TRPM6: variants seen among roughly 807,000 people sequenced by gnomAD.
TRPM6 encodes the protein channel kinase 2.
In TRPM6, 111 loss-of-function variants were observed where a neutral mutation model predicts 247.6. The observed-to-expected ratio is 0.45, with a 90% CI of 0.38 to 0.52. The LOEUF (loss-of-function observed/expected upper bound fraction) is 0.52. Among genes scored for constraint, TRPM6 ranks in the 20% least tolerant of loss-of-function variants. TRPM6 has a pLI of 0.00. For synonymous variants in TRPM6, 892 were observed against 853.8 expected (o/e 1.04, Z -0.78); for missense variants, 2,126 against 2,421.5 (o/e 0.88, Z 2.56).
chr9:74,806,288 T>TATTA (rs1408518854), intron 14 of TRPM6, among the ~76,000 whole-genome samples: 1 of 150,230 alleles, frequency 6.7e-6, no homozygotes, highest in East Asian at 1.9e-4. Flanking sequence ...TGTATTTATT[T>TATTA]ATTTATTTAT....
intron 14 of TRPM6, chr9:74,804,354 G>A: frequency 2.2e-6 from 1 of 452,656 alleles, no homozygotes; most frequent in South Asian, 2.5e-5. Flanking sequence ...TGGAACTCCA[G>A]TGGCCAGGCC....
At chr9:74,724,784 C>A (rs759144264) in intron 38 of TRPM6, 38 bp from the exon 39 acceptor site, 1 of 1,613,426 alleles carries the variant, frequency 6.2e-7, no homozygotes, top group Admixed American at 1.7e-5. Context: ...TAGTGGAACC[C>A]CAAGAACCTA....
intron 30 of TRPM6, among the ~76,000 whole-genome samples, chr9:74,748,346 C>G (rs1181321133): frequency 6.6e-6 from 1 of 152,150 alleles, no homozygotes; most frequent in Non-Finnish European, 1.5e-5. Flanking sequence ...CTTTTTCATT[C>G]TTTTAGCATG....
In TRPM6 at chr9:74,796,845, T is replaced by C; in HGVS notation, c.2287A>G (p.Lys763Glu). 1 of 1,613,986 alleles carries C rather than the reference T, an allele frequency of 6.2e-7. No individual in the cohort carries two copies. Among genetic ancestry groups the C allele is most frequent in the African/African-American group, 1.3e-5 (1 of 75,040 alleles). The part of the protein sequence containing the change: ...LPPTILTLEF[K>E]SKAEMSHVPQ... The stretch of plus-strand genomic sequence containing the variant: ...ACATGTGACATCTCAGCTTTGCTTT[T>C]AAATTCCAGTGTCAAAATGGTGGGT... The change falls in exon 18 of 39, where the codon AAA becomes GAA. Residue 763 changes from lysine (K) to glutamate (E), a missense_variant. Transcript: ENST00000360774.
chr9:74,828,064 C>T, intron 6 of TRPM6, 115 bp from the exon 7 acceptor site: 1 of 1,145,966 alleles, frequency 8.7e-7, no homozygotes, highest in Non-Finnish European at 1.2e-6. Flanking sequence ...TTAAAAAGTA[C>T]TACTTGCGGC....
intron 3 of TRPM6, among the ~76,000 whole-genome samples, chr9:74,843,424 T>C (rs1830007119): frequency 1.3e-5 from 2 of 152,158 alleles, no homozygotes; most frequent in Non-Finnish European, 2.9e-5. Context: ...GTGAATCCTT[T>C]CCAGAAAGTT....
chr9:74,796,994 C>A, intron 17 of TRPM6, 101 bp from the exon 18 acceptor site: 2 of 1,053,094 alleles, frequency 1.9e-6, no homozygotes, highest in East Asian at 5.1e-5. Flanking sequence ...AAATGCCAGA[C>A]CCATCCCAGT....
chr9:74,782,385 C>A lies in TRPM6; in HGVS notation c.3186G>T (p.Val1062=). 1 of 1,613,348 alleles carries A rather than the reference C, an allele frequency of 6.2e-7. No individual in the cohort carries two copies. Among genetic ancestry groups the A allele is most frequent in the Non-Finnish European group, 8.5e-7 (1 of 1,179,414 alleles). The change falls in exon 23 of 39, where the codon GTG becomes GTT. Residue 1062 remains valine, a synonymous_variant. Coordinates refer to ENST00000360774, the MANE Select transcript of TRPM6 (RefSeq NM_017662.5). ...ACTTGAAGAAAGCAATCAACAGGTT[C>A]ACCATGATGATATATTGCACGAAGA... is the stretch of plus-strand genomic sequence containing the variant. ...VYLFVQYIIM[V]NLLIAFFNNV...
chr9:74,778,959 A>G (rs1303162992), intron 23 of TRPM6, among the ~76,000 whole-genome samples: 2 of 152,032 alleles, frequency 1.3e-5, no homozygotes, highest in African/African-American at 2.4e-5. Context: ...GCATCACACC[A>G]TCCCATCAAC....
At chr9:74,870,200 T>A (rs960414099) in intron 1 of TRPM6, among the ~76,000 whole-genome samples, 4 of 149,316 alleles carry the variant, frequency 2.7e-5, no homozygotes, top group African/African-American at 7.3e-5. Flanking sequence ...GTTGAAAAAA[T>A]AATGAATTCA....
At chr9:74,755,935 T>C (rs549257514) in intron 27 of TRPM6, among the ~76,000 whole-genome samples, 11 of 152,344 alleles carry the variant, frequency 7.2e-5, no homozygotes, top group Admixed American at 5.2e-4. Context: ...TTAGAAGCCA[T>C]GTGAATTTGG....
In TRPM6 at chr9:74,847,600, AAT is replaced by A. The variant is rs60286881; in HGVS notation, c.153-5259_153-5258del. ...CCCACTGCTAAATTTGACTGGCTTT[AAT>A]ATATATATAGTCATATATATAGTCA... On this transcript the variant is annotated intron_variant, in intron 3 of 38. Coordinates refer to ENST00000360774, the MANE Select transcript of TRPM6 (RefSeq NM_017662.5). 1.3e-3 allele frequency among the ~76,000 whole-genome samples: 204 copies of A among 152,096 alleles called. 1 individual carries two copies. Among genetic ancestry groups the A allele is most frequent in the African/African-American group, 4.5e-3 (188 of 41,500 alleles).
chr9:74,865,181 G>A (rs977576325), intron 1 of TRPM6, among the ~76,000 whole-genome samples: 1 of 152,100 alleles, frequency 6.6e-6, no homozygotes, highest in Non-Finnish European at 1.5e-5. Context: ...TAGGGGATTA[G>A]AGGAACTCAA....
chr9:74,750,311 G>A (rs1325216632), intron 30 of TRPM6, among the ~76,000 whole-genome samples: 1 of 152,182 alleles, frequency 6.6e-6, no homozygotes, highest in African/African-American at 2.4e-5. Context: ...GTTTCTTTAA[G>A]CAAGACAGAC....
intron 11 of TRPM6, among the ~76,000 whole-genome samples, chr9:74,814,041 A>T (rs943544728): frequency 6.6e-6 from 1 of 152,140 alleles, no homozygotes; most frequent in Non-Finnish European, 1.5e-5. Flanking sequence ...ACATTGCAAT[A>T]AGCCAAGATT....
At chr9:74,808,275 A>T in intron 13 of TRPM6, 101 bp from the exon 14 acceptor site, 2 of 1,414,544 alleles carry the variant, frequency 1.4e-6, no homozygotes, top group Non-Finnish European at 2.0e-6. Context: ...AAGAAGGTAG[A>T]CATACCTTTT....
rs145233725 is a variant in TRPM6, at chr9:74,803,391, A to T, written c.1731+403T>A. 5.6e-3 allele frequency among the ~76,000 whole-genome samples: 855 copies of T among 152,280 alleles called. 9 individuals are homozygous for T. The highest frequency in any genetic ancestry group is 0.018 in the African/African-American group (753 of 41,562). On this transcript the variant is annotated intron_variant, in intron 15 of 38. Coordinates refer to ENST00000360774, the MANE Select transcript of TRPM6 (RefSeq NM_017662.5). The stretch of plus-strand genomic sequence containing the variant: ...AAGCCTCAAAAAGGAAAAAATTTTT[A>T]AAAAAAGATGCAAAAAGTCAATGCG...
rs1362825477 is a variant in TRPM6, at chr9:74,812,352, C to A, written c.1390G>T (p.Val464Leu). 1.2e-6 allele frequency: 2 copies of A among 1,613,996 alleles called. No homozygotes were observed. Among genetic ancestry groups the A allele is most frequent in the Admixed American group, 3.3e-5 (2 of 60,014 alleles). Reference protein sequence around the residue: ...DFVKLLIEYGVNLHRFLTIPR... With the variant: ...DFVKLLIEYGLNLHRFLTIPR... Reference sequence around the variant, plus strand: ...ATGGTAAGAAAGCGATGGAGGTTCACTCCATATTCTATTAAGAGCTTCACA... The same window carrying A: ...ATGGTAAGAAAGCGATGGAGGTTCAATCCATATTCTATTAAGAGCTTCACA... Residue 464 changes from valine to leucine, a missense_variant, in exon 12 of 39, where the codon GTG (valine) becomes TTG (leucine). Physicochemically the swap from Val to Leu is conservative, Grantham distance 32. Transcript: ENST00000360774.
At chr9:74,789,890 G>A (rs1006980276) in intron 19 of TRPM6, among the ~76,000 whole-genome samples, 1 of 150,394 alleles carries the variant, frequency 6.6e-6, no homozygotes, top group Admixed American at 6.7e-5. Flanking sequence ...GAACCCAGAA[G>A]GCCGAGGTTG....
Sources: gnomAD v4.1 joint callset for allele counts (sites outside exome capture counted in the v4.1 genomes callset) on GRCh38, gnomAD v4.1.1 for gene constraint, MANE v1.5 for transcripts, NCBI Gene and HGNC (gene_info 2026-07-23, HGNC 2026-07-21) for gene names.